Variants in GRM8 observed in about 807,000 individuals in gnomAD.
GRM8 encodes metabotropic glutamate receptor 8.
Under a neutral mutation model 87.2 loss-of-function variants are expected in GRM8, and 47 were observed. That is an observed-to-expected ratio of 0.54 (90% CI 0.43 to 0.69). The LOEUF is 0.69. Among genes scored for constraint, GRM8 ranks in the 30% least tolerant of loss-of-function variants. The pLI is 0.00. For missense variants in GRM8, 1,019 were observed against 1,139.2 expected, an observed-to-expected ratio of 0.89 and a Z score of 1.52; for synonymous variants, 396 against 404.5, an observed-to-expected ratio of 0.98 and a Z score of 0.25.
intron 7 of GRM8, chr7:126,701,905 C>T (rs1809973733): frequency 4.2e-6 from 2 of 478,140 alleles, no homozygotes; most frequent in Non-Finnish European, 8.1e-6. Context: ...TAGACAGCCC[C>T]ATGTCATGCC....
At chr7:126,744,485 G>A (rs868330912) in intron 7 of GRM8, among the ~76,000 whole-genome samples, 7 of 151,918 alleles carry the variant, frequency 4.6e-5, no homozygotes, top group African/African-American at 9.7e-5. Context: ...ATCAACTAGC[G>A]TAATGTTTTG....
intron 2 of GRM8, among the ~76,000 whole-genome samples, chr7:127,137,416 G>A (rs1396603596): frequency 1.3e-5 from 2 of 152,006 alleles, no homozygotes; most frequent in Non-Finnish European, 2.9e-5. Flanking sequence ...ATCCAATTCT[G>A]TAATCCCAAG....
intron 3 of GRM8, among the ~76,000 whole-genome samples, chr7:127,022,221 G>C (rs1816346380): frequency 6.6e-6 from 1 of 150,802 alleles, no homozygotes; most frequent in Non-Finnish European, 1.5e-5. Flanking sequence ...AGGTCACTGT[G>C]TGGTAACTGT....
chr7:126,625,431 TA>T (rs35646893), intron 7 of GRM8, among the ~76,000 whole-genome samples: 9,735 of 146,208 alleles, frequency 0.067, 569 homozygotes, highest in East Asian at 0.31. Flanking sequence ...TTTGGTGTGT[TA>T]AAAAAAAAAA....
chr7:126,592,045 C>A (rs1308760093), intron 8 of GRM8, among the ~76,000 whole-genome samples: 2 of 150,984 alleles, frequency 1.3e-5, no homozygotes, highest in African/African-American at 4.9e-5. Flanking sequence ...TTACCAAGAC[C>A]AGACTATTAA....
intron 9 of GRM8, among the ~76,000 whole-genome samples, chr7:126,474,363 C>T (rs758900178): frequency 5.9e-5 from 9 of 152,050 alleles, no homozygotes; most frequent in East Asian, 1.9e-4. Flanking sequence ...CTACCTCCCA[C>T]GCTTAAGCAA....
At chr7:127,013,640 C>A (rs902739807) in intron 3 of GRM8, among the ~76,000 whole-genome samples, 6 of 152,118 alleles carry the variant, frequency 3.9e-5, no homozygotes, top group Non-Finnish European at 7.3e-5. Flanking sequence ...AAACTGCTAA[C>A]AGATCAGTAA....
At chr7:127,064,904 T>C (rs865957416) in intron 3 of GRM8, among the ~76,000 whole-genome samples, 2 of 152,318 alleles carry the variant, frequency 1.3e-5, no homozygotes, top group Middle Eastern at 3.4e-3. Flanking sequence ...GGAACACCTA[T>C]ACACTGTTGG....
intron 2 of GRM8, among the ~76,000 whole-genome samples, chr7:127,205,847 C>T (rs1195031335): frequency 5.9e-5 from 9 of 152,102 alleles, no homozygotes. Flanking sequence ...CTTGTATTCT[C>T]ATCTCTTTCC....
At chr7:127,097,336 C>A (rs78608415) in intron 3 of GRM8, among the ~76,000 whole-genome samples, 291 of 152,160 alleles carry the variant, frequency 1.9e-3, no homozygotes, top group African/African-American at 6.7e-3. Context: ...CCAAGGATGA[C>A]AAAAACAGGA....
chr7:126,855,774 C>T (rs550818953), intron 6 of GRM8, among the ~76,000 whole-genome samples: 2 of 152,182 alleles, frequency 1.3e-5, no homozygotes, highest in South Asian at 4.2e-4. Context: ...CATGCCCGGC[C>T]CTCTTATGAT....
intron 8 of GRM8, among the ~76,000 whole-genome samples, chr7:126,599,157 A>C (rs1797489194): frequency 6.6e-6 from 1 of 152,140 alleles, no homozygotes; most frequent in Non-Finnish European, 1.5e-5. Context: ...CATGGGCAAG[A>C]ATAAAAGCCA....
chr7:126,693,501 G>T (rs916570850), intron 7 of GRM8, among the ~76,000 whole-genome samples: 1 of 152,042 alleles, frequency 6.6e-6, no homozygotes, highest in African/African-American at 2.4e-5. Context: ...TATTAGCATG[G>T]TCTCATTTTG....
intron 7 of GRM8, among the ~76,000 whole-genome samples, chr7:126,743,900 TA>T (rs34790716): frequency 1.3e-5 from 2 of 150,358 alleles, no homozygotes; most frequent in African/African-American, 2.4e-5. Context: ...GCACTTATGG[TA>T]AAAAAAAATA....
In GRM8 at chr7:126,992,806, C is replaced by CGTGTGTGT. The variant is rs34876222; in HGVS notation, c.728-88131_728-88124dup. Among the ~76,000 whole-genome samples, 4 of 147,420 alleles carry CGTGTGTGT rather than the reference C, an allele frequency of 2.7e-5. No homozygotes were observed. The East Asian group carries it at 8.1e-4, about 30-fold the overall frequency. On this transcript the variant is annotated intron_variant, in intron 3 of 10. Transcript: ENST00000339582. ...CCAGAGAGCGTGCCATCTCTCTCTC[C>CGTGTGTGT]GTGTGTGTGTGTGTGTGTGTGTATG... is the stretch of plus-strand genomic sequence containing the variant.
At chr7:126,571,736 T>C (rs1585087578) in intron 8 of GRM8, among the ~76,000 whole-genome samples, 1 of 145,084 alleles carries the variant, frequency 6.9e-6, no homozygotes, top group African/African-American at 2.6e-5. Flanking sequence ...ATTCCAAATA[T>C]ACAGGATTTT....
rs149351215 is a variant in GRM8, at chr7:126,576,396, C to T, written c.1494+32966G>A. ...CTCCTGGCCTCAAGTGATCCTCCCA[C>T]CTCAGTCCCCCAAGTAACTGGAACT... On this transcript the variant is annotated intron_variant, in intron 8 of 10. Coordinates refer to ENST00000339582, the MANE Select transcript of GRM8 (RefSeq NM_000845.3). 1.3e-3 allele frequency among the ~76,000 whole-genome samples: 194 copies of T among 152,234 alleles called. 1 individual carries two copies. Among genetic ancestry groups the T allele is most frequent in the African/African-American group, 4.5e-3 (185 of 41,536 alleles).
At chr7:126,523,890 T>C (rs1813414272) in intron 9 of GRM8, among the ~76,000 whole-genome samples, 1 of 152,224 alleles carries the variant, frequency 6.6e-6, no homozygotes, top group Admixed American at 6.5e-5. Flanking sequence ...AATATTTGTT[T>C]GTATAATATT....
chr7:126,626,036 T>C (rs1415318623), intron 7 of GRM8, among the ~76,000 whole-genome samples: 1 of 152,074 alleles, frequency 6.6e-6, no homozygotes, highest in Non-Finnish European at 1.5e-5. Flanking sequence ...TGACTTCCAT[T>C]ATAAAAAGGA....
Sources: gnomAD v4.1 joint callset for allele counts (sites outside exome capture counted in the v4.1 genomes callset) on GRCh38, gnomAD v4.1.1 for gene constraint, MANE v1.5 for transcripts, NCBI Gene and HGNC (gene_info 2026-07-23, HGNC 2026-07-21) for gene names.